The following TMEM263 variants were observed in gnomAD, a reference collection of about 807,000 sequenced individuals.
TMEM263 encodes UPF0444 transmembrane protein C12orf23.
Under a neutral mutation model 8.6 loss-of-function variants are expected in TMEM263, and 5 were observed. The ratio of observed to expected loss-of-function variants is 0.58; its 90% CI spans 0.31 to 1.23. The LOEUF is 1.23. TMEM263 is among the 50% of genes most tolerant of loss of function. The pLI is 0.07. For synonymous variants in TMEM263, 50 were observed against 47.9 expected, an observed-to-expected ratio of 1.04 and a Z score of -0.18; for missense variants, 104 against 138.8, an observed-to-expected ratio of 0.75 and a Z score of 1.26.
At chr12:106,966,860 C>T in intron 2 of TMEM263, 1 of 375,222 alleles carries the variant, frequency 2.7e-6, no homozygotes. Flanking sequence ...CATAGGAAAA[C>T]TTATACTATG....
Position 106,967,170 on chromosome 12 carries a change from A to C in TMEM263, c.54A>C (p.Glu18Asp). 6.3e-7 allele frequency: 1 copy of C among 1,590,154 alleles called. No homozygotes were observed. The highest frequency in any genetic ancestry group is 8.6e-7 in the Non-Finnish European group (1 of 1,163,560). Residue 18 changes from glutamate to aspartate, a missense_variant, in exon 3 of 4, where the codon GAA (glutamate) becomes GAC (aspartate). Transcript: ENST00000280756. ...QQEIPSYLND[E>D]PPEGSMKDHP... ...AAATCCCATCATACCTTAATGATGAACCACCAGAAGGTAAGTATGCATCTG... is the reference window on the plus strand; with the variant it reads ...AAATCCCATCATACCTTAATGATGACCCACCAGAAGGTAAGTATGCATCTG...
chr12:106,960,889 A>G (rs572156224), intron 2 of TMEM263, among the ~76,000 whole-genome samples: 6 of 152,332 alleles, frequency 3.9e-5, no homozygotes, highest in South Asian at 2.1e-4. Context: ...AAAAAGGTAC[A>G]TTTGGAAAGC....
chr12:106,957,210 G>GTGTGTA (rs1491017463), intron 2 of TMEM263, 61 bp downstream of exon 2: 1 of 907,804 alleles, frequency 1.1e-6, no homozygotes, highest in Non-Finnish European at 1.3e-6. Flanking sequence ...GTGTGTGTGT[G>GTGTGTA]TATGTGTGTG....
chr12:106,960,354 G>A (rs894775798), intron 2 of TMEM263, among the ~76,000 whole-genome samples: 4 of 147,742 alleles, frequency 2.7e-5, no homozygotes, highest in Admixed American at 6.7e-5. Context: ...TTTTTTTTTA[G>A]TCCCAATGAA....
At chr12:106,967,084 A>T in intron 2 of TMEM263, 27 bp from the exon 3 acceptor site, 1 of 1,476,184 alleles carries the variant, frequency 6.8e-7, no homozygotes, top group Non-Finnish European at 9.3e-7. Context: ...GGTTAAAATG[A>T]AATGTGTTTG....
At chr12:106,969,581 C>T (rs1052906183) in intron 3 of TMEM263, among the ~76,000 whole-genome samples, 1 of 151,852 alleles carries the variant, frequency 6.6e-6, no homozygotes, top group Non-Finnish European at 1.5e-5. Flanking sequence ...AAAAAATTAG[C>T]CGGGTGTGGT....
Position 106,959,024 on chromosome 12 carries a change from G to A in TMEM263, c.-7+1875G>A, listed in dbSNP as rs532468895. ...AATGATTCACTAAATGGCAAGTGCC[G>A]GAAAAGTCTATTCCCACTGGATTGT... On this transcript the variant is annotated intron_variant, in intron 2 of 3. Transcript: ENST00000280756. 9.2e-5 allele frequency among the ~76,000 whole-genome samples: 14 copies of A among 152,332 alleles called. No individual in the cohort carries two copies. The South Asian group carries it at 2.7e-3, about 29-fold the overall frequency.
chr12:106,970,458 G>GT (rs1951904598), intron 3 of TMEM263, among the ~76,000 whole-genome samples: 1 of 152,178 alleles, frequency 6.6e-6, no homozygotes, highest in Admixed American at 6.5e-5. Context: ...TCTCTTTAAT[G>GT]TTTGGATTAA....
chr12:106,968,875 G>A (rs1190557121), intron 3 of TMEM263, among the ~76,000 whole-genome samples: 1 of 152,130 alleles, frequency 6.6e-6, no homozygotes, highest in Non-Finnish European at 1.5e-5. Flanking sequence ...CTTAGGGCTA[G>A]TGACCTCGAT....
chr12:106,968,158 C>T (rs1424963723), intron 3 of TMEM263, among the ~76,000 whole-genome samples: 3 of 152,108 alleles, frequency 2.0e-5, no homozygotes, highest in African/African-American at 7.2e-5. Flanking sequence ...GGTTGTGACT[C>T]TAGGTATTAT....
At chr12:106,965,636 A>G (rs1405982946) in intron 2 of TMEM263, among the ~76,000 whole-genome samples, 1 of 151,670 alleles carries the variant, frequency 6.6e-6, no homozygotes. Flanking sequence ...CACAAAAATA[A>G]AGTATCACAC....
chr12:106,957,061 T>A, intron 1 of TMEM263, 21 bp from the exon 2 acceptor site: 1 of 984,072 alleles, frequency 1.0e-6, no homozygotes, highest in Non-Finnish European at 1.2e-6. Context: ...ATGTGATTAT[T>A]TGCTGTATGC....
At chr12:106,959,544 C>T (rs1951741535) in intron 2 of TMEM263, among the ~76,000 whole-genome samples, 1 of 152,132 alleles carries the variant, frequency 6.6e-6, no homozygotes, top group Non-Finnish European at 1.5e-5. Context: ...TTTTTACTGT[C>T]AGTTGATACT....
intron 1 of TMEM263, among the ~76,000 whole-genome samples, chr12:106,956,500 C>G (rs1951693513): frequency 6.6e-6 from 1 of 152,148 alleles, no homozygotes; most frequent in African/African-American, 2.4e-5. Flanking sequence ...GCACACAAGA[C>G]TTTTTCCCAG....
chr12:106,971,328 T>C lies in TMEM263; in HGVS notation c.288T>C (p.Ala96=). The C allele has an allele frequency of 6.2e-7, 1 of 1,614,160 alleles. No homozygotes were observed. The highest frequency in any genetic ancestry group is 8.5e-7 in the Non-Finnish European group (1 of 1,180,016). Reference sequence around the variant, plus strand: ...CTGCTGTGGCTGGAGGTGTTACAGCTGTTGGGTCTGCTGTTGTAAACAAAG... The same window carrying C: ...CTGCTGTGGCTGGAGGTGTTACAGCCGTTGGGTCTGCTGTTGTAAACAAAG... ...GVSAVAGGVT[A]VGSAVVNKVP... is the part of the protein sequence containing the mutation. Residue 96 remains alanine (A), a synonymous_variant, in exon 4 of 4, where the codon GCT becomes GCC. Transcript: ENST00000280756.
intron 2 of TMEM263, among the ~76,000 whole-genome samples, chr12:106,965,437 T>C (rs1951830998): frequency 6.6e-6 from 1 of 152,116 alleles, no homozygotes; most frequent in South Asian, 2.1e-4. Flanking sequence ...TGAAACCCCA[T>C]CTCTACTAAA....
intron 2 of TMEM263, among the ~76,000 whole-genome samples, chr12:106,958,690 G>A (rs1951731483): frequency 6.6e-6 from 1 of 152,236 alleles, no homozygotes; most frequent in African/African-American, 2.4e-5. Context: ...AGGTAGAACT[G>A]ATTTATGTCT....
intron 3 of TMEM263, among the ~76,000 whole-genome samples, chr12:106,968,375 C>CAAA (rs5800722): frequency 1.6e-5 from 2 of 128,844 alleles, no homozygotes; most frequent in Non-Finnish European, 3.3e-5. Flanking sequence ...GACTCCGTCT[C>CAAA]AAAAAAAAAA....
Position 106,962,796 on chromosome 12 carries a change from T to C in TMEM263, c.-6-4315T>C, listed in dbSNP as rs570204979. Among the ~76,000 whole-genome samples the C allele has an allele frequency of 8.5e-5, 13 of 152,352 alleles. No homozygotes were observed. In the South Asian group the frequency reaches 1.4e-3, roughly 17 times the overall value. ...CTCTGTGTTCATCATCTCTGTCTTA[T>C]ACTAGAAATATGACATTAGATTCTC... is the stretch of plus-strand genomic sequence containing the variant. On this transcript the variant is annotated intron_variant, in intron 2 of 3. Coordinates refer to ENST00000280756, the MANE Select transcript of TMEM263 (RefSeq NM_152261.4).
Sources: gnomAD v4.1 joint callset for allele counts (sites outside exome capture counted in the v4.1 genomes callset) on GRCh38, gnomAD v4.1.1 for gene constraint, MANE v1.5 for transcripts, NCBI Gene and HGNC (gene_info 2026-07-23, HGNC 2026-07-21) for gene names.